TBL1X: variants seen among roughly 807,000 people sequenced by gnomAD.
The protein encoded by TBL1X is F-box-like/WD repeat-containing protein TBL1X.
TBL1X carries 10 observed loss-of-function variants against 50.7 expected under a neutral mutation model. That is an observed-to-expected ratio of 0.20 (90% CI 0.12 to 0.33). The LOEUF (loss-of-function observed/expected upper bound fraction) is 0.33, where lower values mean the gene tolerates loss of function less well. TBL1X is among the 10% of genes least tolerant of loss of function. TBL1X has a pLI of 1.00. For synonymous variants in TBL1X, 190 were observed against 214.7 expected (o/e 0.88, Z 1.01); for missense variants, 340 against 504.4 (o/e 0.67, Z 3.12).
intron 1 of TBL1X, among the ~76,000 whole-genome samples, chrX:9,468,118 A>G (rs1473860835): frequency 8.9e-6 from 1 of 112,235 alleles, no homozygotes; most frequent in Non-Finnish European, 1.9e-5. Context: ...AAGAGAGAAT[A>G]TGTTGAGTTT....
intron 3 of TBL1X, among the ~76,000 whole-genome samples, chrX:9,650,731 A>G (rs12014192): frequency 9.0e-6 from 1 of 110,778 alleles, no homozygotes; most frequent in Non-Finnish European, 1.9e-5. Flanking sequence ...TTACATTGTA[A>G]AACTTCAATT....
At chrX:9,466,726 A>G (rs1052599287) in intron 1 of TBL1X, among the ~76,000 whole-genome samples, 9 of 112,165 alleles carry the variant, frequency 8.0e-5, no homozygotes, top group Admixed American at 3.8e-4. Context: ...TTTTATGAAA[A>G]GTTTACAAGT....
In TBL1X at chrX:9,717,184, G is replaced by A. The variant is rs1422541175; in HGVS notation, c.*938G>A. 3.9e-5 allele frequency: 4 copies of A among 102,072 alleles called. No individual in the cohort carries two copies. Among genetic ancestry groups the A allele is most frequent in the Admixed American group, 1.1e-4 (1 of 8,778 alleles). The allele number at this position is 102,072 out of a possible 1,213,427, so 8.4% of individuals were successfully genotyped here. ...GTAAGTGCTTTATGTAAGAAGGCAGGGCAGGGGGGCTTTTTACAGGAGAAA... is the reference window on the plus strand; with the variant it reads ...GTAAGTGCTTTATGTAAGAAGGCAGAGCAGGGGGGCTTTTTACAGGAGAAA... On this transcript the variant is annotated 3_prime_UTR_variant, in exon 18 of 18. Coordinates refer to ENST00000645353, the MANE Select transcript of TBL1X (RefSeq NM_005647.4).
chrX:9,500,522 G>A (rs2081995811), intron 1 of TBL1X, among the ~76,000 whole-genome samples: 1 of 111,648 alleles, frequency 9.0e-6, no homozygotes, highest in East Asian at 2.8e-4. Flanking sequence ...CTCAAACCCA[G>A]GAGGTGGAGG....
At chrX:9,536,158 T>C (rs2082186555) in intron 2 of TBL1X, among the ~76,000 whole-genome samples, 1 of 111,932 alleles carries the variant, frequency 8.9e-6, no homozygotes, top group African/African-American at 3.3e-5. Context: ...CCTTACAAGC[T>C]GCTGCATTAC....
chrX:9,516,083 G>A (rs5978327), intron 2 of TBL1X, among the ~76,000 whole-genome samples: 2 of 110,999 alleles, frequency 1.8e-5, no homozygotes, highest in East Asian at 5.6e-4. Context: ...ATCTAGTGTG[G>A]TCACAGCTGG....
Position 9,519,583 on chromosome X carries a change from A to C in TBL1X, c.-131+17734A>C, listed in dbSNP as rs1418956762. On this transcript the variant is annotated intron_variant, in intron 2 of 17. Coordinates refer to ENST00000645353, the MANE Select transcript of TBL1X (RefSeq NM_005647.4). ...TTGGGCTGTATCCCATTTTTAATTTAGAGAGCACTGTCATTTGAAAATTTC... is the reference window on the plus strand; with the variant it reads ...TTGGGCTGTATCCCATTTTTAATTTCGAGAGCACTGTCATTTGAAAATTTC... Among the ~76,000 whole-genome samples the C allele has an allele frequency of 3.6e-5, 4 of 112,407 alleles. No individual in the cohort carries two copies. The South Asian group carries it at 1.5e-3, about 41-fold the overall frequency.
chrX:9,579,629 A>C (rs1407090647), intron 2 of TBL1X, among the ~76,000 whole-genome samples: 2 of 111,941 alleles, frequency 1.8e-5, no homozygotes, highest in African/African-American at 6.5e-5. Context: ...CTGCAGGTTC[A>C]TCCGAGTCAA....
At chrX:9,691,450 A>AAAAAG (rs1569100483) in intron 7 of TBL1X, 129 bp from the exon 8 acceptor site, 3 of 660,516 alleles carry the variant, frequency 4.5e-6, no homozygotes, top group African/African-American at 2.3e-5. Context: ...AAAAAAAAAA[A>AAAAAG]AAAAGAAAAG....
chrX:9,497,759 TCC>T (rs2081978734), intron 1 of TBL1X, among the ~76,000 whole-genome samples: 24 of 32,581 alleles, frequency 7.4e-4, no homozygotes, highest in Non-Finnish European at 1.2e-3. Context: ...CCTCCCTCCC[TCC>T]CTCCCTCCCT....
chrX:9,536,852 G>C (rs758540494), intron 2 of TBL1X, among the ~76,000 whole-genome samples: 1 of 111,670 alleles, frequency 9.0e-6, no homozygotes, highest in Non-Finnish European at 1.9e-5. Context: ...TTATCATAGA[G>C]ACATTTTCTC....
intron 5 of TBL1X, among the ~76,000 whole-genome samples, chrX:9,666,455 T>C (rs1451594841): frequency 9.0e-6 from 1 of 111,365 alleles, no homozygotes; most frequent in Non-Finnish European, 1.9e-5. Flanking sequence ...GTCAGAAAAA[T>C]AGAAACATTA....
chrX:9,716,056 T>C (rs1053773637), intron 17 of TBL1X, among the ~76,000 whole-genome samples, 164 bp from the exon 18 acceptor site: 1 of 112,446 alleles, frequency 8.9e-6, no homozygotes, highest in African/African-American at 3.2e-5. Context: ...CAGTCTGTTA[T>C]GAGAGCTTCT....
intron 7 of TBL1X, among the ~76,000 whole-genome samples, chrX:9,690,494 T>A (rs2083090208): frequency 1.8e-5 from 2 of 111,472 alleles, no homozygotes; most frequent in Non-Finnish European, 3.8e-5. Context: ...TCCCACTGGG[T>A]TAGGGCCCAC....
chrX:9,664,893 C>T (rs1047846388), intron 5 of TBL1X, among the ~76,000 whole-genome samples: 2 of 111,277 alleles, frequency 1.8e-5, no homozygotes, highest in Non-Finnish European at 3.8e-5. Flanking sequence ...GCATCCCTAA[C>T]ATTTGCCCAC....
intron 2 of TBL1X, among the ~76,000 whole-genome samples, chrX:9,604,873 C>T (rs368709703): frequency 9.0e-6 from 1 of 110,884 alleles, no homozygotes; most frequent in African/African-American, 3.3e-5. Context: ...GTTTGGAATC[C>T]AAGGCCTTTC....
intron 2 of TBL1X, among the ~76,000 whole-genome samples, chrX:9,511,239 G>T (rs1223475430): frequency 8.9e-6 from 1 of 112,452 alleles, no homozygotes; most frequent in African/African-American, 3.2e-5. Flanking sequence ...GCTCAGGATG[G>T]TGATAATCAC....
chrX:9,521,363 T>A (rs1337542823), intron 2 of TBL1X, among the ~76,000 whole-genome samples: 1 of 111,560 alleles, frequency 9.0e-6, no homozygotes. Flanking sequence ...ATGCAGGAAC[T>A]GACCCAGGCT....
chrX:9,705,774 G>A (rs1397111285), intron 13 of TBL1X, among the ~76,000 whole-genome samples: 2 of 106,392 alleles, frequency 1.9e-5, no homozygotes, highest in Non-Finnish European at 3.9e-5. Flanking sequence ...GAAATATAAT[G>A]TCTGAAATGA....
Sources: allele counts gnomAD v4.1 joint callset (sites outside exome capture counted in the v4.1 genomes callset), GRCh38; gene constraint gnomAD v4.1.1; transcripts MANE v1.5; gene names NCBI Gene and HGNC (gene_info 2026-07-23, HGNC 2026-07-21).